The following GRAMD1C variants were observed in gnomAD, a reference collection of about 807,000 sequenced individuals.
GRAMD1C encodes GRAM domain containing 1C.
Under a neutral mutation model 97.8 loss-of-function variants are expected in GRAMD1C, and 89 were observed. That is an observed-to-expected ratio of 0.91 (90% confidence interval 0.77 to 1.09). The LOEUF (loss-of-function observed/expected upper bound fraction) is 1.09. GRAMD1C is among the 50% of genes least tolerant of loss of function. The pLI is 0.00. For synonymous variants in GRAMD1C, 256 were observed against 267.0 expected (o/e 0.96, Z 0.40); for missense variants, 740 against 766.4 (o/e 0.97, Z 0.41).
intron 2 of GRAMD1C, chr3:113,850,432 A>G: frequency 2.5e-6 from 3 of 1,207,114 alleles, no homozygotes; most frequent in Middle Eastern, 2.7e-4. Flanking sequence ...AAGGCCTGCC[A>G]GTCTCTGGAT....
chr3:113,925,226 A>C (rs1339536863), intron 10 of GRAMD1C, among the ~76,000 whole-genome samples: 2 of 152,204 alleles, frequency 1.3e-5, no homozygotes, highest in African/African-American at 2.4e-5. Context: ...ACGGGGGCTC[A>C]CGCCTGTAAT....
chr3:113,905,342 A>C (rs970935106), intron 8 of GRAMD1C, among the ~76,000 whole-genome samples: 2 of 152,210 alleles, frequency 1.3e-5, no homozygotes, highest in African/African-American at 4.8e-5. Flanking sequence ...CCGTTTTCTT[A>C]ATGAACCATA....
intron 6 of GRAMD1C, among the ~76,000 whole-genome samples, chr3:113,898,208 A>C (rs1174797210): frequency 2.0e-5 from 3 of 152,286 alleles, no homozygotes; most frequent in African/African-American, 7.2e-5. Flanking sequence ...TTTTACTAAT[A>C]AGTTTCATTT....
At chr3:113,834,177 C>CATT (rs1194398228), upstream of GRAMD1C, among the ~76,000 whole-genome samples, 2 of 151,750 alleles carry the variant, frequency 1.3e-5, no homozygotes, top group African/African-American at 2.4e-5. Context: ...TTTACACCTC[C>CATT]ATTATTATTA....
upstream of GRAMD1C, among the ~76,000 whole-genome samples, chr3:113,835,609 T>C (rs1044053470): frequency 6.6e-6 from 1 of 152,250 alleles, no homozygotes; most frequent in Non-Finnish European, 1.5e-5. Context: ...GTGGTTATTC[T>C]GATTGGGTAT....
chr3:113,857,592 G>A (rs1009245490), intron 2 of GRAMD1C, among the ~76,000 whole-genome samples: 2 of 152,016 alleles, frequency 1.3e-5, no homozygotes, highest in Non-Finnish European at 2.9e-5. Context: ...TAGCCAGGAT[G>A]GTCTCGATCG....
intron 2 of GRAMD1C, among the ~76,000 whole-genome samples, chr3:113,866,827 C>T (rs4682503): frequency 0.55 from 76,324 of 138,206 alleles, 19,820 homozygotes; most frequent in Middle Eastern, 0.71. Flanking sequence ...CTTTGTAGAC[C>T]CTTATGTCTT....
chr3:113,887,473 G>A, intron 6 of GRAMD1C, among the ~76,000 whole-genome samples: 1 of 151,882 alleles, frequency 6.6e-6, no homozygotes, highest in East Asian at 2.0e-4. Flanking sequence ...GGCCGAGGTG[G>A]GTGGGTCACG....
chr3:113,863,651 A>T lies in GRAMD1C; in HGVS notation c.175-5856A>T, dbSNP rs1459279636. On this transcript the variant is annotated intron_variant, in intron 2 of 17. Transcript: ENST00000358160. The stretch of plus-strand genomic sequence containing the variant: ...GAATTATATCTCAATTTTTTAAAGT[A>T]AGTGCCATGTTGGTATGGAACTCGG... Among the ~76,000 whole-genome samples, 3 of 133,646 alleles carry T rather than the reference A, an allele frequency of 2.2e-5. 1 individual carries two copies. In the Admixed American group the frequency reaches 2.4e-4, roughly 11 times the overall value. The allele number at this position is 133,646 out of a possible 152,430, so 87.7% of individuals were successfully genotyped here.
chr3:113,902,585 G>A (rs763851002), intron 7 of GRAMD1C, among the ~76,000 whole-genome samples: 9 of 152,142 alleles, frequency 5.9e-5, no homozygotes, highest in Non-Finnish European at 1.2e-4. Flanking sequence ...AAAGTTTCTA[G>A]TCTTTGAGGA....
In GRAMD1C at chr3:113,896,763, T is replaced by G. The variant is rs192581080; in HGVS notation, c.541-4268T>G. On this transcript the variant is annotated intron_variant, in intron 6 of 17. Transcript: ENST00000358160. ...TGAGATTTTAGCATCCCTCAAAAGG[T>G]TGATCCGTGGAGTTCATCAAGTAGC... Among the ~76,000 whole-genome samples, 3 of 152,310 alleles carry G rather than the reference T, an allele frequency of 2.0e-5. No individual in the cohort carries two copies. In the East Asian group the frequency reaches 5.8e-4, roughly 29 times the overall value.
intron 10 of GRAMD1C, among the ~76,000 whole-genome samples, chr3:113,928,143 C>T (rs1324472392): frequency 1.3e-5 from 2 of 152,118 alleles, no homozygotes; most frequent in East Asian, 1.9e-4. Context: ...CCAGAGGGGC[C>T]GCTGCCCAGC....
intron 11 of GRAMD1C, among the ~76,000 whole-genome samples, chr3:113,933,120 A>G (rs191636877): frequency 1.3e-5 from 2 of 152,260 alleles, no homozygotes; most frequent in Admixed American, 6.5e-5. Flanking sequence ...CCTGGCCACA[A>G]ATGATCCACC....
intron 10 of GRAMD1C, among the ~76,000 whole-genome samples, chr3:113,930,152 T>G (rs1937357242): frequency 6.6e-6 from 1 of 152,206 alleles, no homozygotes; most frequent in Non-Finnish European, 1.5e-5. Context: ...GATATGATCT[T>G]ATAGTCTTCT....
At chr3:113,911,401 C>T (rs1225259707) in intron 9 of GRAMD1C, among the ~76,000 whole-genome samples, 3 of 151,770 alleles carry the variant, frequency 2.0e-5, no homozygotes, top group Non-Finnish European at 2.9e-5. Context: ...TGCACCACCA[C>T]GCCCAGCTAA....
At chr3:113,912,274 A>G (rs1045312131) in intron 9 of GRAMD1C, among the ~76,000 whole-genome samples, 2 of 152,100 alleles carry the variant, frequency 1.3e-5, no homozygotes, top group African/African-American at 2.4e-5. Context: ...GCACACAATA[A>G]TATTGTGTTA....
intron 9 of GRAMD1C, among the ~76,000 whole-genome samples, chr3:113,911,981 C>T (rs1048017875): frequency 2.0e-5 from 3 of 152,130 alleles, no homozygotes; most frequent in Non-Finnish European, 2.9e-5. Context: ...CCCGCCTCGG[C>T]CTCCCAAAAT....
intron 8 of GRAMD1C, among the ~76,000 whole-genome samples, chr3:113,905,316 T>C (rs1936331081): frequency 6.6e-6 from 1 of 152,260 alleles, no homozygotes. Context: ...ACATTTTGTA[T>C]GTTTTCTGCT....
At chr3:113,839,343 A>T (rs1408414957) in intron 1 of GRAMD1C, among the ~76,000 whole-genome samples, 1 of 152,214 alleles carries the variant, frequency 6.6e-6, no homozygotes, top group African/African-American at 2.4e-5. Context: ...CTGTGCTGTC[A>T]GCCAAGTTTT....
Sources: gnomAD v4.1 joint callset for allele counts (sites outside exome capture counted in the v4.1 genomes callset) on GRCh38, gnomAD v4.1.1 for gene constraint, MANE v1.5 for transcripts, NCBI Gene and HGNC (gene_info 2026-07-23, HGNC 2026-07-21) for gene names.